EPHA3: variants seen among roughly 807,000 people sequenced by gnomAD.
EPHA3 encodes EPH receptor A3.
EPHA3 carries 42 observed loss-of-function variants against 107.1 expected under a neutral mutation model. That is an observed-to-expected ratio of 0.39 (90% CI 0.31 to 0.51). The LOEUF (loss-of-function observed/expected upper bound fraction) is 0.51. EPHA3 is among the 20% of genes least tolerant of loss of function. The pLI, the probability that EPHA3 is intolerant of heterozygous loss-of-function variation, is 0.78. For synonymous variants in EPHA3, 461 were observed against 424.8 expected (o/e 1.09, Z -1.05); for missense variants, 1,183 against 1,211.2 (o/e 0.98, Z 0.35).
At chr3:89,369,818 C>T (rs1708257448) in intron 5 of EPHA3, among the ~76,000 whole-genome samples, 1 of 149,764 alleles carries the variant, frequency 6.7e-6, no homozygotes, top group South Asian at 2.1e-4. Context: ...AAGAAAAAAA[C>T]AAACAACCCC....
chr3:89,209,204 G>T (rs1349443192), intron 2 of EPHA3, among the ~76,000 whole-genome samples: 3 of 152,118 alleles, frequency 2.0e-5, no homozygotes, highest in South Asian at 2.1e-4. Flanking sequence ...GGTGCAAAAG[G>T]CTTTAAGAAT....
intron 5 of EPHA3, among the ~76,000 whole-genome samples, chr3:89,355,820 A>T (rs1343525991): frequency 6.7e-6 from 1 of 148,612 alleles, no homozygotes; most frequent in African/African-American, 2.4e-5. Context: ...GTGAATAAAT[A>T]TATATATATT....
intron 5 of EPHA3, among the ~76,000 whole-genome samples, chr3:89,370,664 T>TA (rs895235805): frequency 3.3e-5 from 5 of 149,506 alleles, no homozygotes; most frequent in South Asian, 2.1e-4. Flanking sequence ...TAATAATAAT[T>TA]AAAAAAATAA....
chr3:89,424,393 C>T (rs936746430), intron 11 of EPHA3, among the ~76,000 whole-genome samples: 1 of 151,056 alleles, frequency 6.6e-6, no homozygotes, highest in African/African-American at 2.4e-5. Context: ...GTAAACAGCC[C>T]CCAAACAAAC....
chr3:89,335,752 A>T (rs1331133258), intron 3 of EPHA3, among the ~76,000 whole-genome samples: 1 of 152,210 alleles, frequency 6.6e-6, no homozygotes, highest in Non-Finnish European at 1.5e-5. Flanking sequence ...GCCACATAAA[A>T]AGGTGGCAAT....
At chr3:89,268,476 C>T in intron 3 of EPHA3, among the ~76,000 whole-genome samples, 1 of 152,092 alleles carries the variant, frequency 6.6e-6, no homozygotes, top group East Asian at 1.9e-4. Flanking sequence ...TCTAAAAACT[C>T]CAAATTTTAT....
chr3:89,359,357 T>G (rs1236036643), intron 5 of EPHA3, among the ~76,000 whole-genome samples: 1 of 150,894 alleles, frequency 6.6e-6, no homozygotes, highest in Non-Finnish European at 1.5e-5. Context: ...AAGATATTGC[T>G]TTCTCTGTAT....
At chr3:89,242,912 AC>A (rs1559616092) in intron 3 of EPHA3, among the ~76,000 whole-genome samples, 1 of 33,954 alleles carries the variant, frequency 2.9e-5, no homozygotes, top group Non-Finnish European at 5.5e-5. Flanking sequence ...CCCTCCCCCC[AC>A]CCCACAACAG....
At chr3:89,232,966 G>A (rs1041028594) in intron 3 of EPHA3, among the ~76,000 whole-genome samples, 2 of 151,930 alleles carry the variant, frequency 1.3e-5, no homozygotes, top group African/African-American at 4.8e-5. Context: ...TCCTTTTCAT[G>A]GTGTCAGAAA....
chr3:89,385,343 G>A (rs2107490731), intron 5 of EPHA3, among the ~76,000 whole-genome samples: 1 of 152,296 alleles, frequency 6.6e-6, no homozygotes, highest in African/African-American at 2.4e-5. Flanking sequence ...ATCCCCACAT[G>A]TTATGGGACG....
intron 15 of EPHA3, among the ~76,000 whole-genome samples, chr3:89,467,073 GA>G (rs1325326586): frequency 1.3e-5 from 2 of 151,992 alleles, no homozygotes; most frequent in Admixed American, 6.5e-5. Flanking sequence ...AGTTACTGAT[GA>G]AAAATTAAAT....
rs912822633 is a variant in EPHA3, at chr3:89,295,360, A to G, written c.815-45556A>G. Among the ~76,000 whole-genome samples the G allele has an allele frequency of 1.1e-4, 16 of 144,528 alleles. 1 individual carries two copies. The East Asian group carries it at 1.2e-3, about 11-fold the overall frequency. 94.8% of individuals were successfully genotyped at this position (144,528 alleles called of 152,430 possible). On this transcript the variant is annotated intron_variant, in intron 3 of 16. Transcript: ENST00000336596. Reference sequence around the variant, plus strand: ...CAATGTTGATGGCTGCTGACTGATCAGGATGGTGGTTGCTGAAGGGTGGCA... The same window carrying G: ...CAATGTTGATGGCTGCTGACTGATCGGGATGGTGGTTGCTGAAGGGTGGCA...
intron 3 of EPHA3, among the ~76,000 whole-genome samples, chr3:89,236,365 C>A (rs2107234791): frequency 1.4e-5 from 2 of 143,656 alleles, no homozygotes; most frequent in South Asian, 4.6e-4. Context: ...TATGTTAATA[C>A]AATGAATTAC....
Position 89,210,324 on chromosome 3 carries a change from G to C in EPHA3, c.618G>C (p.Val206=). The C allele has an allele frequency of 6.2e-7, 1 of 1,613,652 alleles. No homozygotes were observed. The change falls in exon 3 of 17, where the codon GTG becomes GTC. Residue 206 remains valine, a synonymous_variant. Coordinates refer to ENST00000336596, the MANE Select transcript of EPHA3 (RefSeq NM_005233.6). ...RVYFKKCPFT[V]KNLAMFPDTV... ...ACTTCAAAAAGTGCCCATTTACAGTGAAGAATCTGGCTATGTTTCCAGACA... is the reference window on the plus strand; with the variant it reads ...ACTTCAAAAAGTGCCCATTTACAGTCAAGAATCTGGCTATGTTTCCAGACA...
chr3:89,153,290 A>AT (rs1005188235), intron 2 of EPHA3, among the ~76,000 whole-genome samples: 1 of 151,964 alleles, frequency 6.6e-6, no homozygotes, highest in Non-Finnish European at 1.5e-5. Context: ...TCCTGCTTTA[A>AT]TTTTTTCACA....
intron 5 of EPHA3, among the ~76,000 whole-genome samples, chr3:89,360,297 T>C (rs748497402): frequency 4.6e-5 from 7 of 151,016 alleles, no homozygotes; most frequent in African/African-American, 9.7e-5. Context: ...CAAAAATTTA[T>C]GACTAATTAG....
At chr3:89,288,133 C>T (rs1165003756) in intron 3 of EPHA3, among the ~76,000 whole-genome samples, 2 of 151,704 alleles carry the variant, frequency 1.3e-5, no homozygotes, top group Non-Finnish European at 2.9e-5. Context: ...AATGCAATTA[C>T]AAATTTAAAA....
At position 89,460,823 on chromosome 3, in the gene EPHA3, C is replaced by CTCTTT. The variant is rs1199238290; in HGVS notation, c.2690+10454_2690+10455insCTTTT. 8.9e-3 allele frequency among the ~76,000 whole-genome samples: 917 copies of CTCTTT among 102,748 alleles called. 7 individuals carry two copies. The highest frequency in any genetic ancestry group is 0.03 in the African/African-American group (804 of 27,080). 67.4% of individuals were successfully genotyped at this position (102,748 alleles called of 152,430 possible). ...ATACCCAAGTGATCTCTCTGTCTCT[C>CTCTTT]TTTTTTTTTTTTTTTATTATACTCT... On this transcript the variant is annotated intron_variant, in intron 15 of 16. Coordinates refer to ENST00000336596, the MANE Select transcript of EPHA3 (RefSeq NM_005233.6).
At chr3:89,397,148 T>C (rs1708866272) in intron 6 of EPHA3, among the ~76,000 whole-genome samples, 1 of 152,238 alleles carries the variant, frequency 6.6e-6, no homozygotes, top group South Asian at 2.1e-4. Context: ...TATATTTCTC[T>C]AGTATAATGT....
Sources: gnomAD v4.1 joint callset for allele counts (sites outside exome capture counted in the v4.1 genomes callset) on GRCh38, gnomAD v4.1.1 for gene constraint, MANE v1.5 for transcripts, NCBI Gene and HGNC (gene_info 2026-07-23, HGNC 2026-07-21) for gene names.